The following RIMS2 variants were observed in gnomAD, a reference collection of about 807,000 sequenced individuals.
RIMS2 encodes regulating synaptic membrane exocytosis 2.
RIMS2 carries 59 observed loss-of-function variants against 174.4 expected under a neutral mutation model. The ratio of observed to expected loss-of-function variants is 0.34; its 90% CI spans 0.27 to 0.42. RIMS2 has a LOEUF of 0.42. Among genes scored for constraint, RIMS2 ranks in the 10% least tolerant of loss-of-function variants. The pLI, the probability that RIMS2 is intolerant of heterozygous loss-of-function variation, is 1.00. For missense variants in RIMS2, 1,620 were observed against 1,666.3 expected, an observed-to-expected ratio of 0.97 and a Z score of 0.48; for synonymous variants, 606 against 572.5, an observed-to-expected ratio of 1.06 and a Z score of -0.84.
At chr8:103,885,833 A>T (rs1256706255) in exon 4 of RIMS2, 1 of 1,612,962 alleles carries the variant, frequency 6.2e-7, no homozygotes, top group Non-Finnish European at 8.5e-7. Context: ...ATCTTATTCA[A>T]TGGAAAGAAC....
Position 104,041,370 on chromosome 8 carries a change from C to A in RIMS2, c.3334+26755C>A, listed in dbSNP as rs1381756595. The A allele has an allele frequency of 1.5e-6, 1 of 687,462 alleles. No homozygotes were observed. The highest frequency in any genetic ancestry group is 2.7e-6 in the Non-Finnish European group (1 of 374,902). 42.6% of individuals were successfully genotyped at this position (687,462 alleles called of 1,614,324 possible). A position where few individuals can be genotyped will look rare whatever the true frequency, so the allele number is the denominator to read the frequency against. ...GAGAAGATATGCAGGTCTGTCTCTT[C>A]TGCTTTTTTTGTTATTATTTTATTT... On this transcript the variant is annotated intron_variant, in intron 19 of 23. Coordinates refer to ENST00000504942, the Ensembl canonical transcript of RIMS2.
chr8:104,230,563 T>C (rs2099221221), intron 19 of RIMS2, among the ~76,000 whole-genome samples: 1 of 152,010 alleles, frequency 6.6e-6, no homozygotes, highest in Non-Finnish European at 1.5e-5. Flanking sequence ...TGAGAATCGC[T>C]TGAACCCTGG....
intron 1 of RIMS2, among the ~76,000 whole-genome samples, chr8:103,592,723 C>G (rs190290272): frequency 1.2e-3 from 182 of 151,382 alleles, no homozygotes; most frequent in Non-Finnish European, 1.4e-3. Context: ...AGGTAAAACA[C>G]AAGAATAAGG....
At chr8:104,251,767 G>A (rs2099359886) in exon 24 of RIMS2, 2 of 1,611,482 alleles carry the variant, frequency 1.2e-6, no homozygotes, top group Admixed American at 1.7e-5. Context: ...GACAAGAAGA[G>A]CTTCCCAATC....
chr8:104,122,817 A>G (rs567114743), intron 19 of RIMS2, among the ~76,000 whole-genome samples: 1 of 152,278 alleles, frequency 6.6e-6, no homozygotes, highest in Admixed American at 6.5e-5. Flanking sequence ...AGATTATTTT[A>G]AACTATTAAC....
chr8:103,915,359 A>G (rs1479225967), intron 6 of RIMS2, 136 bp from the exon 10 acceptor site: 1 of 481,348 alleles, frequency 2.1e-6, no homozygotes, highest in Non-Finnish European at 3.7e-6. Flanking sequence ...ACAATAAATT[A>G]TTTAAGAAAT....
At chr8:103,648,069 C>T (rs1380507275) in intron 1 of RIMS2, among the ~76,000 whole-genome samples, 1 of 151,762 alleles carries the variant, frequency 6.6e-6, no homozygotes, top group Non-Finnish European at 1.5e-5. Flanking sequence ...CTATAAATTT[C>T]CCCCCTAACA....
At chr8:103,919,169 G>C (rs999942259) in intron 9 of RIMS2, among the ~76,000 whole-genome samples, 1 of 152,166 alleles carries the variant, frequency 6.6e-6, no homozygotes, top group African/African-American at 2.4e-5. Context: ...AGGAAAAAAA[G>C]GATTGCAGTT....
chr8:103,866,423 T>G (rs2099084687), intron 3 of RIMS2, among the ~76,000 whole-genome samples: 1 of 152,148 alleles, frequency 6.6e-6, no homozygotes. Flanking sequence ...AGAATAAATC[T>G]TTGTCTTTAC....
At chr8:103,519,961 C>T (rs1366728589) in intron 1 of RIMS2, among the ~76,000 whole-genome samples, 1 of 151,862 alleles carries the variant, frequency 6.6e-6, no homozygotes, top group Non-Finnish European at 1.5e-5. Flanking sequence ...GCAAATATTG[C>T]TTTCCTGCTT....
intron 19 of RIMS2, among the ~76,000 whole-genome samples, chr8:104,076,385 A>T (rs1429476949): frequency 6.6e-6 from 1 of 152,190 alleles, no homozygotes; most frequent in Non-Finnish European, 1.5e-5. Flanking sequence ...TCAAACTAGC[A>T]TTTAAAAGTA....
At chr8:103,766,496 A>G (rs1294270175) in exon 3 of RIMS2, 1 of 1,613,806 alleles carries the variant, frequency 6.2e-7, no homozygotes, top group Admixed American at 1.7e-5. Context: ...AAAATGGGTC[A>G]GGCGTGAAGC....
intron 19 of RIMS2, among the ~76,000 whole-genome samples, chr8:104,168,032 T>C (rs994274235): frequency 6.6e-6 from 1 of 152,196 alleles, no homozygotes; most frequent in Non-Finnish European, 1.5e-5. Context: ...TAGGTGCCTA[T>C]TTTTATGCCA....
intron 4 of RIMS2, among the ~76,000 whole-genome samples, chr8:103,908,357 T>TTA (rs1251574022): frequency 1.3e-5 from 2 of 152,326 alleles, no homozygotes; most frequent in African/African-American, 4.8e-5. Context: ...TTAAGTTTTA[T>TTA]TACACCTTGA....
intron 3 of RIMS2, among the ~76,000 whole-genome samples, chr8:103,784,296 G>T (rs1423105372): frequency 8.0e-5 from 12 of 149,644 alleles, no homozygotes; most frequent in Admixed American, 2.7e-4. Flanking sequence ...GTCAATTTTG[G>T]CTTTTGTTGC....
chr8:104,116,820 A>C (rs1212151201), intron 19 of RIMS2, among the ~76,000 whole-genome samples: 1 of 152,150 alleles, frequency 6.6e-6, no homozygotes, highest in Admixed American at 6.5e-5. Flanking sequence ...AGTCTAACTT[A>C]AGTATAAATG....
At chr8:103,930,827 C>T (rs1438103691) in intron 11 of RIMS2, among the ~76,000 whole-genome samples, 2 of 152,058 alleles carry the variant, frequency 1.3e-5, no homozygotes, top group South Asian at 2.1e-4. Flanking sequence ...AAAACATTTA[C>T]TTAAAAATTC....
At chr8:104,056,783 G>A (rs1301566820) in intron 19 of RIMS2, among the ~76,000 whole-genome samples, 1 of 152,138 alleles carries the variant, frequency 6.6e-6, no homozygotes, top group Non-Finnish European at 1.5e-5. Flanking sequence ...TACTTGCAAG[G>A]CTGAGGCAGG....
chr8:104,049,674 T>G (rs2096753498), intron 19 of RIMS2, among the ~76,000 whole-genome samples: 1 of 152,098 alleles, frequency 6.6e-6, no homozygotes, highest in African/African-American at 2.4e-5. Flanking sequence ...GTGTGTATAC[T>G]TTCAACCAAC....
Sources: allele counts gnomAD v4.1 joint callset (sites outside exome capture counted in the v4.1 genomes callset), GRCh38; gene constraint gnomAD v4.1.1; transcripts MANE v1.5; gene names NCBI Gene and HGNC (gene_info 2026-07-23, HGNC 2026-07-21).